Variants in HAVCR1 observed in about 807,000 individuals in gnomAD.
HAVCR1 encodes T cell immunoglobin domain and mucin domain protein 1.
HAVCR1 carries 34 observed loss-of-function variants against 32.0 expected under a neutral mutation model. The ratio of observed to expected loss-of-function variants is 1.06; its 90% CI spans 0.81 to 1.42. HAVCR1 has a LOEUF of 1.42. Among genes scored for constraint, HAVCR1 ranks in the 40% most tolerant of loss-of-function variants. The pLI is 0.00. For synonymous variants in HAVCR1, 178 were observed against 170.3 expected (o/e 1.05, Z -0.35); for missense variants, 420 against 442.3 (o/e 0.95, Z 0.45).
intron 7 of HAVCR1, among the ~76,000 whole-genome samples, chr5:157,035,965 T>A (rs1415684606): frequency 6.6e-6 from 1 of 152,154 alleles, no homozygotes; most frequent in African/African-American, 2.4e-5. Context: ...CTACACCATT[T>A]TATAAGGGAC....
chr5:157,068,446 G>A, the HAVCR1 span, among the ~76,000 whole-genome samples: 1 of 151,960 alleles, frequency 6.6e-6, no homozygotes, highest in Non-Finnish European at 1.5e-5. Flanking sequence ...AATTAGCCGG[G>A]CATGGTGATG....
rs116277815 is a variant in HAVCR1 at position 157,052,467 on chromosome 5, G to A, written c.567C>T (p.Ser189=). The A allele has an allele frequency of 1.7e-4, 268 of 1,604,166 alleles. No individual in the cohort carries two copies. The African/African-American group carries it at 3.0e-3, about 18-fold the overall frequency. The change falls in exon 4 of 9, where the codon AGC becomes AGT. Residue 189 remains serine (S), a synonymous_variant. Transcript: ENST00000523175. The part of the protein sequence containing the change: ...LTTMTVSTTT[S]VPTTTSIPTT... ...TTGGAATGCTCGTTGTCGTTGGAACGCTCGTTGTCGTTGAAACAGTCATTG... is the reference window on the plus strand; with the variant it reads ...TTGGAATGCTCGTTGTCGTTGGAACACTCGTTGTCGTTGAAACAGTCATTG...
At chr5:157,041,786 C>T (rs907077957) in intron 6 of HAVCR1, among the ~76,000 whole-genome samples, 3 of 152,114 alleles carry the variant, frequency 2.0e-5, no homozygotes, top group Admixed American at 6.6e-5. Flanking sequence ...GGCCCGGGCG[C>T]GGTGGCTCAC....
chr5:157,053,876 A>C (rs1458961187), intron 3 of HAVCR1, among the ~76,000 whole-genome samples: 1 of 151,084 alleles, frequency 6.6e-6, no homozygotes, highest in Non-Finnish European at 1.5e-5. Context: ...TCTCAAAAAA[A>C]CAAAACAAAA....
At chr5:157,042,909 CTT>C (rs1188322915) in intron 5 of HAVCR1, among the ~76,000 whole-genome samples, 3 of 152,106 alleles carry the variant, frequency 2.0e-5, no homozygotes, top group Non-Finnish European at 2.9e-5. Flanking sequence ...AAAATGGACT[CTT>C]GTTTTTTCTT....
chr5:157,040,928 A>T (rs1158717732), intron 6 of HAVCR1, among the ~76,000 whole-genome samples: 1 of 152,056 alleles, frequency 6.6e-6, no homozygotes, highest in African/African-American at 2.4e-5. Flanking sequence ...TAAATAATAA[A>T]AAATAAAAAC....
chr5:157,057,523 C>A (rs1412765797), intron 2 of HAVCR1, among the ~76,000 whole-genome samples: 3 of 152,062 alleles, frequency 2.0e-5, no homozygotes, highest in African/African-American at 7.2e-5. Flanking sequence ...AGGATTAACT[C>A]TCCCTCCACC....
rs34124782 is a variant in HAVCR1, at chr5:157,046,098, T to C, written c.781+2940A>G. On this transcript the variant is annotated intron_variant, in intron 5 of 8. Transcript: ENST00000523175. ...AAATGTCGCCATTATCTAATCCCAGTTGAATGAGTCCCTCTGTGAATCACA... is the reference window on the plus strand; with the variant it reads ...AAATGTCGCCATTATCTAATCCCAGCTGAATGAGTCCCTCTGTGAATCACA... Among the ~76,000 whole-genome samples the C allele has an allele frequency of 6.9e-3, 1,052 of 152,312 alleles. 4 individuals are homozygous for C. Among genetic ancestry groups the C allele is most frequent in the Non-Finnish European group, 0.011 (749 of 68,024 alleles).
At chr5:157,061,978 C>T (rs752358068), upstream of HAVCR1, among the ~76,000 whole-genome samples, 13 of 152,250 alleles carry the variant, frequency 8.5e-5, no homozygotes, top group South Asian at 1.7e-3. Context: ...CCATGAGAGA[C>T]GCCTGTGTTC....
At chr5:157,036,352 G>A (rs576395607) in intron 7 of HAVCR1, among the ~76,000 whole-genome samples, 16 of 152,200 alleles carry the variant, frequency 1.1e-4, no homozygotes, top group African/African-American at 3.6e-4. Context: ...GGTGGCGGGC[G>A]CCTGTAGTCC....
intron 6 of HAVCR1, among the ~76,000 whole-genome samples, chr5:157,040,280 A>G (rs1298811365): frequency 6.6e-6 from 1 of 150,990 alleles, no homozygotes; most frequent in Non-Finnish European, 1.5e-5. Flanking sequence ...CCTGGGTAAC[A>G]AGAGTGAAAC....
rs1365645234 is a variant in HAVCR1, at chr5:157,044,420, G to A, written c.782-1738C>T. Among the ~76,000 whole-genome samples, 79 of 32,248 alleles carry A rather than the reference G, an allele frequency of 2.4e-3. 4 individuals are homozygous for A. Among genetic ancestry groups the A allele is most frequent in the African/African-American group, 0.011 (57 of 5,130 alleles). The allele number at this position is 32,248 out of a possible 152,430, so 21.2% of individuals were successfully genotyped here. A position where few individuals can be genotyped will look rare whatever the true frequency, so the allele number is the denominator to read the frequency against. ...AGGAAGGAAGGAAGGAAGGAAGGAAGGAGAAAGAAAGAAAGAAAGAAAGAA... is the reference window on the plus strand; with the variant it reads ...AGGAAGGAAGGAAGGAAGGAAGGAAAGAGAAAGAAAGAAAGAAAGAAAGAA... On this transcript the variant is annotated intron_variant, in intron 5 of 8. Transcript: ENST00000523175.
intron 6 of HAVCR1, among the ~76,000 whole-genome samples, chr5:157,040,298 C>CA (rs67596524): frequency 2.0e-3 from 280 of 141,944 alleles, no homozygotes; most frequent in African/African-American, 4.7e-3. Flanking sequence ...AACTCTGTCT[C>CA]AAAAAAAAAA....
upstream of HAVCR1, among the ~76,000 whole-genome samples, chr5:157,060,901 AT>A (rs34856460): frequency 6.2e-4 from 93 of 149,148 alleles, no homozygotes; most frequent in African/African-American, 2.1e-3. Context: ...GGCATTTTTA[AT>A]TTTTTTTTTT....
the HAVCR1 span, among the ~76,000 whole-genome samples, chr5:157,066,050 C>A: frequency 2.2e-4 from 15 of 67,222 alleles, no homozygotes; most frequent in African/African-American, 1.3e-3. Context: ...AGCGAGACTC[C>A]GTCTTAAAAA....
At chr5:157,029,940 G>T in intron 8 of HAVCR1, 99 bp from the exon 9 acceptor site, 2 of 930,428 alleles carry the variant, frequency 2.1e-6, no homozygotes, top group Non-Finnish European at 1.6e-6. Context: ...GCAATATCAG[G>T]TATTCGAGAC....
At position 157,037,282 on chromosome 5, in the gene HAVCR1, A is replaced by T. The variant is rs1754594744; in HGVS notation, c.917T>A (p.Val306Glu). ...GATGACACCCAAAAGAGCAAGAAGC[A>T]CCAAGACAGAAATACAGACTCCAGC... Reference protein sequence around the residue: ...IYAGVCISVLVLLALLGVIIA... With the variant: ...IYAGVCISVLELLALLGVIIA... Residue 306 changes from valine (V) to glutamate (E), a missense_variant, in exon 7 of 9, where the codon GTG becomes GAG. Transcript: ENST00000523175. The T allele has an allele frequency of 1.2e-6, 2 of 1,604,298 alleles. No individual in the cohort carries two copies. Among genetic ancestry groups the T allele is most frequent in the Non-Finnish European group, 1.7e-6 (2 of 1,171,124 alleles).
intron 2 of HAVCR1, 151 bp downstream of exon 2, chr5:157,057,747 G>T: frequency 1.6e-6 from 1 of 644,494 alleles, no homozygotes. Flanking sequence ...TTCTGGTCCT[G>T]CTCACTAGTT....
intron 4 of HAVCR1, among the ~76,000 whole-genome samples, chr5:157,051,610 A>G (rs1296321072): frequency 6.6e-6 from 1 of 152,042 alleles, no homozygotes; most frequent in Non-Finnish European, 1.5e-5. Context: ...GGCTCACTGT[A>G]GACTTGACCT....
Sources: allele counts gnomAD v4.1 joint callset (sites outside exome capture counted in the v4.1 genomes callset), GRCh38; gene constraint gnomAD v4.1.1; transcripts MANE v1.5; gene names NCBI Gene and HGNC (gene_info 2026-07-23, HGNC 2026-07-21).